The following RUFY4 variants were observed in gnomAD, a reference collection of about 807,000 sequenced individuals.
RUFY4 encodes the protein RUN and FYVE domain-containing protein 4.
A neutral mutation model predicts 69.0 loss-of-function variants in RUFY4; 73 were observed. The observed-to-expected ratio is 1.06, with a 90% CI of 0.88 to 1.29. The LOEUF is 1.29. Ranked by LOEUF, RUFY4 falls within the 50% of genes most tolerant of loss-of-function variation. The pLI is 0.00. For synonymous variants in RUFY4, 287 were observed against 271.8 expected (o/e 1.06, Z -0.55); for missense variants, 770 against 705.6 (o/e 1.09, Z -1.03).
downstream of RUFY4, chr2:218,090,630 T>A (rs1690011153): frequency 6.5e-6 from 1 of 153,938 alleles, no homozygotes; most frequent in Non-Finnish European, 1.4e-5. Context: ...ACCGTCTTCA[T>A]AAACATATCT....
intron 2 of RUFY4, among the ~76,000 whole-genome samples, chr2:218,052,748 A>T (rs866247918): frequency 0.048 from 7,151 of 149,872 alleles, 547 homozygotes; most frequent in African/African-American, 0.17. Flanking sequence ...TTTTTTTTAA[A>T]AAAAAAAGAT....
At chr2:218,090,252 C>A (rs1009193959) in exon 11 of RUFY4, 3 of 365,458 alleles carry the variant, frequency 8.2e-6, no homozygotes, top group Non-Finnish European at 1.6e-5. Context: ...CCACAACGAG[C>A]CAGGTGACTT....
intron 8 of RUFY4, among the ~76,000 whole-genome samples, chr2:218,081,207 G>T (rs532441547): frequency 1.3e-5 from 2 of 152,060 alleles, no homozygotes; most frequent in Non-Finnish European, 2.9e-5. Flanking sequence ...CTCAGGTCCT[G>T]CCCACCTCCC....
intron 9 of RUFY4, among the ~76,000 whole-genome samples, chr2:218,087,184 T>C (rs1488036577): frequency 1.3e-5 from 2 of 152,136 alleles, no homozygotes; most frequent in East Asian, 3.8e-4. Flanking sequence ...ATGTATAGAA[T>C]AGAATCCAAT....
intron 2 of RUFY4, among the ~76,000 whole-genome samples, chr2:218,071,898 T>C (rs4076099): frequency 0.31 from 46,945 of 152,044 alleles, 7,485 homozygotes; most frequent in South Asian, 0.39. Context: ...TCCCTGGGGC[T>C]GTGCTTTACT....
chr2:218,047,295 A>G (rs565592719), intron 2 of RUFY4, among the ~76,000 whole-genome samples: 5 of 152,288 alleles, frequency 3.3e-5, no homozygotes, highest in Admixed American at 3.3e-4. Flanking sequence ...GCACCAGTAC[A>G]TCACCGAGTT....
At position 218,056,378 on chromosome 2, in the gene RUFY4, A is replaced by G. The variant is rs116627721; in HGVS notation, c.-1157-2217A>G. Among the ~76,000 whole-genome samples, 498 of 152,228 alleles carry G rather than the reference A, an allele frequency of 3.3e-3. 1 individual carries two copies. The highest frequency in any genetic ancestry group is 0.011 in the African/African-American group (458 of 41,542). ...TGCCAGAATAATCAGATAGAACTTG[A>G]TGCTAAACTCCAGGCAACTCTGCCC... On this transcript the variant is annotated intron_variant and NMD_transcript_variant, in intron 2 of 13. Transcript: ENST00000457754.
At chr2:218,048,628 CTCTT>C (rs1688881374) in intron 2 of RUFY4, among the ~76,000 whole-genome samples, 1 of 152,002 alleles carries the variant, frequency 6.6e-6, no homozygotes, top group Admixed American at 6.6e-5. Flanking sequence ...TTTATTGTCT[CTCTT>C]TATTTTTGGT....
chr2:218,077,671 C>T (rs187311814), intron 8 of RUFY4, among the ~76,000 whole-genome samples: 12 of 152,334 alleles, frequency 7.9e-5, no homozygotes, highest in African/African-American at 2.4e-4. Flanking sequence ...AGACACCAGT[C>T]GGACCCCAGC....
chr2:218,058,692 G>A (rs1384509502), intron 3 of RUFY4: 1 of 152,226 alleles, frequency 6.6e-6, no homozygotes, highest in Non-Finnish European at 1.5e-5. Context: ...GTCAGTGCAA[G>A]GTGCCAGACA....
At chr2:218,046,245 T>C (rs549504924) in intron 2 of RUFY4, among the ~76,000 whole-genome samples, 1 of 152,222 alleles carries the variant, frequency 6.6e-6, no homozygotes, top group Admixed American at 6.5e-5. Flanking sequence ...TATATACTAT[T>C]GTTAACTATA....
chr2:218,053,391 G>A (rs1688988442), intron 2 of RUFY4, among the ~76,000 whole-genome samples: 1 of 149,614 alleles, frequency 6.7e-6, no homozygotes, highest in Non-Finnish European at 1.5e-5. Flanking sequence ...TGTCACTCAG[G>A]CTGGAGTTCT....
chr2:218,073,189 G>A (rs1689536585), intron 4 of RUFY4, 54 bp from the exon 7 acceptor site: 3 of 1,531,594 alleles, frequency 2.0e-6, no homozygotes, highest in Non-Finnish European at 8.8e-7. Context: ...GGTTGGGGCA[G>A]GGGGAAACAG....
chr2:218,089,186 T>C, intron 9 of RUFY4, 66 bp from the exon 12 acceptor site: 1 of 1,305,944 alleles, frequency 7.7e-7, no homozygotes, highest in Non-Finnish European at 1.1e-6. Flanking sequence ...TGTCTGGGTC[T>C]TTTCCCATTT....
At chr2:218,089,294 C>G (rs367943866) in exon 10 of RUFY4, 66 of 1,613,820 alleles carry the variant, frequency 4.1e-5, no homozygotes, top group Non-Finnish European at 5.4e-5. Flanking sequence ...ATCTCTCTTC[C>G]ATGGCTCCCG....
chr2:218,037,560 G>A (rs1364267592), intron 2 of RUFY4, among the ~76,000 whole-genome samples: 2 of 152,158 alleles, frequency 1.3e-5, no homozygotes, highest in African/African-American at 4.8e-5. Flanking sequence ...TTCTTTTAAA[G>A]CTTGCTTTGT....
intron 2 of RUFY4, among the ~76,000 whole-genome samples, chr2:218,047,663 G>A (rs1224048472): frequency 6.6e-6 from 1 of 151,910 alleles, no homozygotes; most frequent in African/African-American, 2.4e-5. Flanking sequence ...TTAATATCTA[G>A]CGAAAATTAG....
At chr2:218,064,835 C>A (rs1379520317), upstream of RUFY4, among the ~76,000 whole-genome samples, 2 of 152,218 alleles carry the variant, frequency 1.3e-5, no homozygotes, top group East Asian at 1.9e-4. Context: ...TGCCCTCCCC[C>A]TCCAGTTCCT....
At chr2:218,075,339 T>C (rs768838579) in exon 7 of RUFY4, 4 of 1,611,482 alleles carry the variant, frequency 2.5e-6, no homozygotes, top group Non-Finnish European at 2.5e-6. Context: ...AAGAGCCCCA[T>C]GGATTGAGAT....
Sources: allele counts gnomAD v4.1 joint callset (sites outside exome capture counted in the v4.1 genomes callset), GRCh38; gene constraint gnomAD v4.1.1; transcripts MANE v1.5; gene names NCBI Gene and HGNC (gene_info 2026-07-23, HGNC 2026-07-21).